The following MYOM2 variants were observed in gnomAD, a reference collection of about 807,000 sequenced individuals.
The protein encoded by MYOM2 is myomesin-2.
MYOM2 carries 254 observed loss-of-function variants against 187.6 expected under a neutral mutation model. The ratio of observed to expected loss-of-function variants is 1.35; its 90% CI spans 1.22 to 1.50. The LOEUF is 1.50. Among genes scored for constraint, MYOM2 ranks in the 40% most tolerant of loss-of-function variants. The pLI, the probability that MYOM2 is intolerant of heterozygous loss-of-function variation, is 0.00. For synonymous variants in MYOM2, 981 were observed against 753.8 expected, an observed-to-expected ratio of 1.30 and a Z score of -4.94; for missense variants, 2,796 against 1,924.0, an observed-to-expected ratio of 1.45 and a Z score of -8.48.
chr8:2,119,809 G>C (rs1353925508), intron 28 of MYOM2, among the ~76,000 whole-genome samples: 2 of 152,046 alleles, frequency 1.3e-5, no homozygotes, highest in African/African-American at 2.4e-5. Flanking sequence ...AGGGAGATGA[G>C]ACCAGGTCAG....
chr8:2,072,348 C>T lies in MYOM2; in HGVS notation c.797C>T (p.Pro266Leu). 2 of 1,613,826 alleles carry T rather than the reference C, an allele frequency of 1.2e-6. No homozygotes were observed. The highest frequency in any genetic ancestry group is 2.2e-5 in the South Asian group (2 of 91,068). Reference sequence around the variant, plus strand: ...AGCCTCCATCGTTTCTGTGCAGTGCCCCTGTCATCGATGATTCCGTACACG... The same window carrying T: ...AGCCTCCATCGTTTCTGTGCAGTGCTCCTGTCATCGATGATTCCGTACACG... ...FRSVGLPIGL[P>L]LSSMIPYTHF... The change falls in exon 9 of 37, where the codon CCC becomes CTC. Residue 266 changes from proline to leucine, a missense_variant. Physicochemically the swap from Pro to Leu is moderately conservative, Grantham distance 98. Transcript: ENST00000262113.
chr8:2,069,494 G>C lies in MYOM2; in HGVS notation c.790G>C (p.Gly264Arg), dbSNP rs556622570. The change falls in exon 8 of 37, where the codon GGA (glycine) becomes CGA (arginine). Residue 264 changes from glycine to arginine, a missense_variant. Transcript: ENST00000262113. ...EPFRSVGLPI[G>R]LPLSSMIPYT... Reference sequence around the variant, plus strand: ...ATTCCGTTCGGTGGGACTCCCGATTGGATGTAAGTGGGTTTTTGTTTCTTT... The same window carrying C: ...ATTCCGTTCGGTGGGACTCCCGATTCGATGTAAGTGGGTTTTTGTTTCTTT... 1.9e-6 allele frequency: 3 copies of C among 1,614,188 alleles called. No individual in the cohort carries two copies. The Admixed American group carries it at 5.0e-5, about 27-fold the overall frequency.
At chr8:2,058,559 A>T (rs1172275632) in intron 5 of MYOM2, among the ~76,000 whole-genome samples, 1 of 152,228 alleles carries the variant, frequency 6.6e-6, no homozygotes, top group Non-Finnish European at 1.5e-5. Context: ...ATCAACATAT[A>T]TTGCTAAAGT....
chr8:2,112,912 C>G (rs746427659), intron 25 of MYOM2, among the ~76,000 whole-genome samples: 1 of 152,208 alleles, frequency 6.6e-6, no homozygotes, highest in Non-Finnish European at 1.5e-5. Flanking sequence ...GGAGTCTTCT[C>G]CCGCTACGCC....
At chr8:2,064,579 C>T (rs181724251) in intron 6 of MYOM2, among the ~76,000 whole-genome samples, 1 of 152,226 alleles carries the variant, frequency 6.6e-6, no homozygotes, top group South Asian at 2.1e-4. Context: ...CTTCTTCCCC[C>T]AGTGGCTCCT....
At chr8:2,046,044 G>C (rs999729589) in intron 1 of MYOM2, among the ~76,000 whole-genome samples, 5 of 152,230 alleles carry the variant, frequency 3.3e-5, no homozygotes, top group African/African-American at 1.2e-4. Flanking sequence ...GCTAAAACTT[G>C]TCTTGGGAGC....
chr8:2,059,335 A>G lies in MYOM2; in HGVS notation c.653+90A>G. On this transcript the variant is annotated intron_variant, in intron 6 of 36. Transcript: ENST00000262113. ...GAAGTCAGATGGGTAACTGGAGGCC[A>G]AATCACACCTGTCTGTTTGCACCCC... 7 of 1,104,012 alleles carry G rather than the reference A, an allele frequency of 6.3e-6. No homozygotes were observed. The South Asian group carries it at 6.9e-5, about 11-fold the overall frequency. 68.4% of individuals were successfully genotyped at this position (1,104,012 alleles called of 1,614,324 possible).
At chr8:2,088,463 A>T (rs1203189007) in intron 14 of MYOM2, among the ~76,000 whole-genome samples, 1 of 152,124 alleles carries the variant, frequency 6.6e-6, no homozygotes, top group Non-Finnish European at 1.5e-5. Context: ...TATCGTTGCC[A>T]TCTTCGTGTG....
chr8:2,065,865 C>T (rs753205310), intron 6 of MYOM2, among the ~76,000 whole-genome samples: 3 of 152,200 alleles, frequency 2.0e-5, no homozygotes, highest in African/African-American at 7.2e-5. Flanking sequence ...TGAGCTGAGT[C>T]TACACTGACA....
chr8:2,103,946 C>T (rs1418428807), intron 21 of MYOM2, among the ~76,000 whole-genome samples: 1 of 152,096 alleles, frequency 6.6e-6, no homozygotes, highest in Non-Finnish European at 1.5e-5. Flanking sequence ...GAACGGATGT[C>T]TTGCCGTTAT....
At position 2,106,346 on chromosome 8, in the gene MYOM2, T is replaced by G; in HGVS notation, c.2839T>G (p.Tyr947Asp). 1 of 1,614,172 alleles carries G rather than the reference T, an allele frequency of 6.2e-7. No individual in the cohort carries two copies. Among genetic ancestry groups the G allele is most frequent in the South Asian group, 1.1e-5 (1 of 91,086 alleles). ...DASQFTWCKS[Y>D]EEISDDERFK... ...GTCTCAGTTCACCTGGTGTAAATCC[T>G]ACGAGGAGATTTCAGATGATGAGAG... The change falls in exon 22 of 37, where the codon TAC becomes GAC. Residue 947 changes from tyrosine to aspartate, a missense_variant. Transcript: ENST00000262113.
chr8:2,052,026 C>A, intron 2 of MYOM2, 132 bp from the exon 3 acceptor site: 3 of 1,063,172 alleles, frequency 2.8e-6, no homozygotes, highest in Non-Finnish European at 4.2e-6. Flanking sequence ...TATGCCTGTG[C>A]ATGTGTGTGT....
intron 14 of MYOM2, among the ~76,000 whole-genome samples, chr8:2,089,095 A>C (rs181653632): frequency 2.6e-5 from 3 of 114,892 alleles, no homozygotes; most frequent in African/African-American, 9.2e-5. Flanking sequence ...TCTGATTTCT[A>C]GAAGTCTGGG....
At chr8:2,140,175 G>A (rs887902057) in intron 32 of MYOM2, among the ~76,000 whole-genome samples, 26 of 152,138 alleles carry the variant, frequency 1.7e-4, no homozygotes, top group South Asian at 2.1e-4. Flanking sequence ...TTTGTGACAG[G>A]CTTATTTTAC....
At chr8:2,061,138 G>A (rs1331839087) in intron 6 of MYOM2, among the ~76,000 whole-genome samples, 2 of 152,070 alleles carry the variant, frequency 1.3e-5, no homozygotes, top group African/African-American at 4.8e-5. Context: ...CAAGCCTGGG[G>A]CCTGGTTGGG....
chr8:2,066,436 T>C (rs1819022380), intron 6 of MYOM2, among the ~76,000 whole-genome samples: 1 of 152,152 alleles, frequency 6.6e-6, no homozygotes, highest in South Asian at 2.1e-4. Context: ...TCATCTGCTG[T>C]GTTATTGCTA....
intron 14 of MYOM2, 122 bp downstream of exon 14, chr8:2,085,512 G>GTGGCACCCCACTGTCGTGATCTCTGCA (rs1563444522): frequency 2.8e-5 from 26 of 932,074 alleles, no homozygotes; most frequent in South Asian, 8.9e-5. Flanking sequence ...TGATCTCCGC[G>GTGGCACCCCACTGTCGTGATCTCTGCA]TGGCCCCCCA....
chr8:2,069,902 T>A (rs1361466365), intron 8 of MYOM2, among the ~76,000 whole-genome samples: 1 of 152,232 alleles, frequency 6.6e-6, no homozygotes, highest in Non-Finnish European at 1.5e-5. Context: ...TGTTGCTGTT[T>A]CGTGTTTAAG....
In MYOM2 at chr8:2,098,886, C is replaced by T. The variant is rs141326692; in HGVS notation, c.2343C>T (p.Tyr781=). 50 of 1,613,246 alleles carry T rather than the reference C, an allele frequency of 3.1e-5. No homozygotes were observed. The highest frequency in any genetic ancestry group is 6.6e-5 in the South Asian group (6 of 90,830). Residue 781 remains tyrosine, a synonymous_variant, in exon 19 of 37, where the codon TAC becomes TAT. Coordinates refer to ENST00000262113, the MANE Select transcript of MYOM2 (RefSeq NM_003970.4). ...TVDGLTEGSL[Y]EFKIAAVNLA... ...ACGGCTTGACGGAAGGCTCACTCTA[C>T]GAGTTCAAAATCGCCGCCGTCAACC...
Sources: allele counts gnomAD v4.1 joint callset (sites outside exome capture counted in the v4.1 genomes callset), GRCh38; gene constraint gnomAD v4.1.1; transcripts MANE v1.5; gene names NCBI Gene and HGNC (gene_info 2026-07-23, HGNC 2026-07-21).